The following PYHIN1 variants were observed in gnomAD, a reference collection of about 807,000 sequenced individuals.
The protein encoded by PYHIN1 is pyrin and HIN domain family member 1.
Under a neutral mutation model 43.7 loss-of-function variants are expected in PYHIN1, and 32 were observed. The ratio of observed to expected loss-of-function variants is 0.73; its 90% CI spans 0.55 to 0.98. PYHIN1 has a LOEUF of 0.98. Ranked by LOEUF, PYHIN1 falls within the 50% of genes least tolerant of loss-of-function variation. PYHIN1 has a pLI of 0.00. For missense variants in PYHIN1, 588 were observed against 589.5 expected (o/e 1.00, Z 0.03); for synonymous variants, 205 against 203.1 (o/e 1.01, Z -0.08).
chr1:158,971,799 G>A (rs1650944011), intron 7 of PYHIN1, among the ~76,000 whole-genome samples: 1 of 151,890 alleles, frequency 6.6e-6, no homozygotes, highest in Non-Finnish European at 1.5e-5. Flanking sequence ...GCCTAGATGA[G>A]TTTTCACCAG....
Position 158,946,052 on chromosome 1 carries a change from G to T in PYHIN1, c.1359+1010G>T, listed in dbSNP as rs547565638. The stretch of plus-strand genomic sequence containing the variant: ...GATTATATGGGGCTTTAGATTAAAA[G>T]TTGAGATATACTAATGTCAGCAATT... On this transcript the variant is annotated intron_variant, in intron 7 of 8. Coordinates refer to ENST00000368140, the MANE Select transcript of PYHIN1 (RefSeq NM_152501.5). Among the ~76,000 whole-genome samples the T allele has an allele frequency of 5.9e-5, 9 of 152,308 alleles. No homozygotes were observed. In the South Asian group the frequency reaches 1.5e-3, roughly 25 times the overall value.
chr1:158,978,975 A>G (rs1211096779), downstream of PYHIN1, among the ~76,000 whole-genome samples: 1 of 152,202 alleles, frequency 6.6e-6, no homozygotes, highest in African/African-American at 2.4e-5. Flanking sequence ...ACCTACCCTC[A>G]TAGACATCTT....
chr1:158,971,348 G>A (rs571840765), intron 7 of PYHIN1, among the ~76,000 whole-genome samples: 6 of 151,858 alleles, frequency 4.0e-5, no homozygotes, highest in Admixed American at 6.6e-5. Context: ...GAAGTAGAAC[G>A]TCCTTAAGTG....
At chr1:158,959,384 C>T (rs185046255) in intron 7 of PYHIN1, among the ~76,000 whole-genome samples, 41 of 151,730 alleles carry the variant, frequency 2.7e-4, no homozygotes, top group South Asian at 1.0e-3. Context: ...ATTTGGTTGC[C>T]GACCGGACCC....
At chr1:158,959,290 C>G (rs1162119544) in intron 7 of PYHIN1, among the ~76,000 whole-genome samples, 1 of 152,182 alleles carries the variant, frequency 6.6e-6, no homozygotes, top group East Asian at 1.9e-4. Context: ...GTAGCAGCCA[C>G]AGCCTCGACT....
At chr1:158,977,760 A>G (rs774419436), downstream of PYHIN1, among the ~76,000 whole-genome samples, 5 of 152,208 alleles carry the variant, frequency 3.3e-5, no homozygotes, top group Non-Finnish European at 5.9e-5. Context: ...AAAAAAGGGC[A>G]CAGAAAGCAA....
intron 7 of PYHIN1, among the ~76,000 whole-genome samples, chr1:158,971,223 G>A (rs1235782325): frequency 1.3e-5 from 2 of 151,596 alleles, no homozygotes; most frequent in African/African-American, 2.4e-5. Context: ...ATCTCCTTAA[G>A]GACAAAAGAA....
Position 158,933,355 on chromosome 1 carries a change from TAGATA to T in PYHIN1, c.-21+1581_-21+1585del, listed in dbSNP as rs1464488944. Among the ~76,000 whole-genome samples, 1 of 151,612 alleles carries T rather than the reference TAGATA, an allele frequency of 6.6e-6. No homozygotes were observed. The highest frequency in any genetic ancestry group is 1.5e-5 in the Non-Finnish European group (1 of 67,814). ...AAAAATAATATACATTTATTATTAT[TAGATA>T]AATCTATAATTTAAATTATTGTATC... On this transcript the variant is annotated intron_variant, in intron 1 of 8. Coordinates refer to ENST00000368140, the MANE Select transcript of PYHIN1 (RefSeq NM_152501.5). The surrounding 1 kb of genome is among the most constrained non-coding windows in gnomAD (Gnocchi z 6.3).
In PYHIN1 at chr1:158,933,505, A is replaced by AT. The variant is rs985880474; in HGVS notation, c.-21+1732dup. Among the ~76,000 whole-genome samples the AT allele has an allele frequency of 6.6e-6, 1 of 151,906 alleles. No homozygotes were observed. Among genetic ancestry groups the AT allele is most frequent in the Non-Finnish European group, 1.5e-5 (1 of 67,894 alleles). On this transcript the variant is annotated intron_variant, in intron 1 of 8. Coordinates refer to ENST00000368140, the MANE Select transcript of PYHIN1 (RefSeq NM_152501.5). The surrounding 1 kb of genome is among the most constrained non-coding windows in gnomAD (Gnocchi z 6.3). ...TCTTCTAGTTTCTCCTTGCATGATA[A>AT]TTTAAATTTTTTTTCATCTTTCAGT...
At chr1:158,932,216 A>G (rs1282640709) in intron 1 of PYHIN1, among the ~76,000 whole-genome samples, 1 of 152,174 alleles carries the variant, frequency 6.6e-6, no homozygotes, top group Non-Finnish European at 1.5e-5. Flanking sequence ...AGGAATACCA[A>G]ATACTGCATG....
Position 158,944,020 on chromosome 1 carries a change from A to C in PYHIN1, c.1191+42A>C, listed in dbSNP as rs372335127. The C allele has an allele frequency of 3.3e-6, 5 of 1,510,664 alleles. No homozygotes were observed. The African/African-American group carries it at 6.9e-5, about 21-fold the overall frequency. The allele number at this position is 1,510,664 out of a possible 1,614,324, so 93.6% of individuals were successfully genotyped here. On this transcript the variant is annotated intron_variant, in intron 6 of 8. Coordinates refer to ENST00000368140, the MANE Select transcript of PYHIN1 (RefSeq NM_152501.5). The stretch of plus-strand genomic sequence containing the variant: ...CAAATATTAGTTTTCCAAAGATGAA[A>C]ATCATTTGCTTTAAGTTTTAGGAAG...
At chr1:158,974,376 A>G (rs1651125517) in intron 8 of PYHIN1, among the ~76,000 whole-genome samples, 1 of 152,094 alleles carries the variant, frequency 6.6e-6, no homozygotes, top group Admixed American at 6.6e-5. Context: ...AAATTCTAAT[A>G]ATAAAGTGTT....
the PYHIN1 span, among the ~76,000 whole-genome samples, chr1:158,989,669 C>T: frequency 6.6e-6 from 1 of 152,262 alleles, no homozygotes; most frequent in African/African-American, 2.4e-5. Context: ...ATACATGAAA[C>T]AGTTGCTTTC....
chr1:158,944,171 T>A (rs1649088672), intron 6 of PYHIN1, among the ~76,000 whole-genome samples, 193 bp downstream of exon 6: 1 of 152,142 alleles, frequency 6.6e-6, no homozygotes, highest in Non-Finnish European at 1.5e-5. Flanking sequence ...ATTATCTTCT[T>A]CAAAAAGACA....
intron 7 of PYHIN1, among the ~76,000 whole-genome samples, chr1:158,963,924 G>A (rs1293854677): frequency 6.6e-6 from 1 of 152,128 alleles, no homozygotes; most frequent in Non-Finnish European, 1.5e-5. Context: ...CAGAATATGG[G>A]TAGGAATTAA....
Position 158,933,270 on chromosome 1 carries a change from G to A in PYHIN1, c.-21+1494G>A, listed in dbSNP as rs951445854. ...TTTGTGGCACCGTGTACATATGTGT[G>A]TATATGAAGATAAATATATTATATA... On this transcript the variant is annotated intron_variant, in intron 1 of 8. Transcript: ENST00000368140. The surrounding 1 kb of genome is among the most constrained non-coding windows in gnomAD (Gnocchi z 6.3). Among the ~76,000 whole-genome samples, 10 of 151,214 alleles carry A rather than the reference G, an allele frequency of 6.6e-5. No individual in the cohort carries two copies. The highest frequency in any genetic ancestry group is 2.6e-4 in the Admixed American group (4 of 15,184).
At chr1:158,936,785 A>G in intron 1 of PYHIN1, 106 bp from the exon 2 acceptor site, 1 of 656,578 alleles carries the variant, frequency 1.5e-6, no homozygotes, top group Non-Finnish European at 2.3e-6. Context: ...GAAAACTGGC[A>G]CAATGAACAA....
chr1:158,949,601 C>T (rs1040702972), intron 7 of PYHIN1, among the ~76,000 whole-genome samples: 2 of 140,516 alleles, frequency 1.4e-5, no homozygotes, highest in Non-Finnish European at 3.0e-5. Context: ...TCTCATTGTT[C>T]AATTCCCACC....
intron 7 of PYHIN1, among the ~76,000 whole-genome samples, chr1:158,953,235 G>C (rs989079693): frequency 7.2e-6 from 1 of 139,420 alleles, no homozygotes; most frequent in Non-Finnish European, 1.6e-5. Flanking sequence ...AGCTCGAACT[G>C]GGTGGAGCCC....
Sources: allele counts gnomAD v4.1 joint callset (sites outside exome capture counted in the v4.1 genomes callset), GRCh38; gene constraint gnomAD v4.1.1; non-coding constraint Gnocchi (gnomAD v3.1); transcripts MANE v1.5; gene names NCBI Gene and HGNC (gene_info 2026-07-23, HGNC 2026-07-21).